The following BMP6 variants were observed in gnomAD, a reference collection of about 807,000 sequenced individuals.
BMP6 encodes bone morphogenetic protein 6.
Under a neutral mutation model 54.1 loss-of-function variants are expected in BMP6, and 17 were observed. The ratio of observed to expected loss-of-function variants is 0.31; its 90% CI spans 0.22 to 0.47. BMP6 has a LOEUF of 0.47. BMP6 is among the 20% of genes least tolerant of loss of function. BMP6 has a pLI of 1.00. For missense variants in BMP6, 720 were observed against 690.4 expected (o/e 1.04, Z -0.48); for synonymous variants, 328 against 291.2 (o/e 1.13, Z -1.28).
intron 1 of BMP6, among the ~76,000 whole-genome samples, chr6:7,749,718 C>A (rs1757393634): frequency 6.6e-6 from 1 of 152,148 alleles, no homozygotes. Context: ...AGACGGGACA[C>A]CGTGACATTG....
intron 1 of BMP6, among the ~76,000 whole-genome samples, chr6:7,806,017 A>C (rs1403386820): frequency 6.6e-6 from 1 of 152,236 alleles, no homozygotes; most frequent in Non-Finnish European, 1.5e-5. Flanking sequence ...TTTCACACAT[A>C]AAGATTGCTG....
intron 1 of BMP6, among the ~76,000 whole-genome samples, chr6:7,832,115 G>T (rs76313294): frequency 6.6e-6 from 1 of 152,144 alleles, no homozygotes; most frequent in Non-Finnish European, 1.5e-5. Context: ...CCTTATAGAG[G>T]TCTAGAGTTG....
intron 1 of BMP6, among the ~76,000 whole-genome samples, chr6:7,741,321 A>G (rs1219803913): frequency 6.6e-6 from 1 of 152,130 alleles, no homozygotes; most frequent in Non-Finnish European, 1.5e-5. Context: ...TTGTAGAGAC[A>G]GGGCCTCTCT....
At chr6:7,806,672 G>A (rs1454053546) in intron 1 of BMP6, among the ~76,000 whole-genome samples, 1 of 150,776 alleles carries the variant, frequency 6.6e-6, no homozygotes, top group Non-Finnish European at 1.5e-5. Context: ...TTTTTTTTTA[G>A]TATGGACTAT....
rs1463761372 is a variant in BMP6, at chr6:7,862,301, G to A, written c.1007G>A (p.Gly336Glu). The A allele has an allele frequency of 6.2e-7, 1 of 1,614,142 alleles. No homozygotes were observed. The highest frequency in any genetic ancestry group is 8.5e-7 in the Non-Finnish European group (1 of 1,180,024). ...GLQLSVVTRD[G>E]VHVHPRAAGL... is the part of the protein sequence containing the mutation. ...ATGCATGCTTTGATTTGCATTAAAG[G>A]AGTCCACGTCCACCCCCGAGCCGCA... Residue 336 changes from glycine to glutamate, a missense_variant and splice_region_variant, in exon 4 of 7, where the codon GGA (glycine) becomes GAA (glutamate). Physicochemically the swap from Gly to Glu is moderately conservative, Grantham distance 98 (BLOSUM62 -2). This residue lies in a region of BMP6 where 650 missense variants were observed against 556.3 expected (regional missense o/e 1.17). Coordinates refer to ENST00000283147, the MANE Select transcript of BMP6 (RefSeq NM_001718.6).
chr6:7,859,925 G>A (rs267204), intron 2 of BMP6, among the ~76,000 whole-genome samples: 123,084 of 152,152 alleles, frequency 0.81, 50,022 homozygotes, highest in East Asian at 1. Flanking sequence ...GAAACTGTTC[G>A]CTCCTCCTCT....
intron 1 of BMP6, among the ~76,000 whole-genome samples, chr6:7,785,076 C>T (rs1758002099): frequency 6.6e-6 from 1 of 152,196 alleles, no homozygotes; most frequent in Non-Finnish European, 1.5e-5. Flanking sequence ...GCACCTGTTC[C>T]AGGTAGCTAG....
chr6:7,872,818 T>TC (rs528362783), intron 4 of BMP6, among the ~76,000 whole-genome samples: 3 of 150,476 alleles, frequency 2.0e-5, no homozygotes, highest in Non-Finnish European at 3.0e-5. Context: ...TTTTTTCTTT[T>TC]TTTTTTTTTT....
At chr6:7,731,087 T>C (rs1761847732) in intron 1 of BMP6, among the ~76,000 whole-genome samples, 1 of 152,212 alleles carries the variant, frequency 6.6e-6, no homozygotes, top group Non-Finnish European at 1.5e-5. Flanking sequence ...GTTGTTTATG[T>C]TGACTGTTTC....
intron 1 of BMP6, among the ~76,000 whole-genome samples, chr6:7,831,103 A>G (rs1758786638): frequency 1.3e-5 from 2 of 152,258 alleles, no homozygotes; most frequent in East Asian, 1.9e-4. Context: ...TATCCATACA[A>G]TGGAATGTCA....
intron 2 of BMP6, among the ~76,000 whole-genome samples, chr6:7,859,840 C>A (rs963200448): frequency 1.3e-5 from 2 of 152,190 alleles, no homozygotes; most frequent in East Asian, 1.9e-4. Flanking sequence ...TGACTTTTAA[C>A]TGTGCCTACT....
rs1759666425 is a variant in BMP6 at position 7,878,955 on chromosome 6, T to A, written c.1205-119T>A. Reference sequence around the variant, plus strand: ...TAGCTGTTGGGTGACCATACTTGTATCTAGGAGGCTATCCTGAGCCTAGCA... The same window carrying A: ...TAGCTGTTGGGTGACCATACTTGTAACTAGGAGGCTATCCTGAGCCTAGCA... On this transcript the variant is annotated intron_variant, in intron 4 of 6. Transcript: ENST00000283147. The A allele has an allele frequency of 3.1e-6, 3 of 960,476 alleles. No individual in the cohort carries two copies. The South Asian group carries it at 4.3e-5, about 14-fold the overall frequency. The allele number at this position is 960,476 out of a possible 1,614,324, so 59.5% of individuals were successfully genotyped here.
At chr6:7,863,618 A>T (rs1255400801) in intron 4 of BMP6, among the ~76,000 whole-genome samples, 1 of 151,976 alleles carries the variant, frequency 6.6e-6, no homozygotes, top group Non-Finnish European at 1.5e-5. Context: ...CTCACCCGGG[A>T]GCTAAGGAAT....
At chr6:7,879,008 A>G (rs1262420402) in intron 4 of BMP6, 66 bp from the exon 5 acceptor site, 8 of 1,492,758 alleles carry the variant, frequency 5.4e-6, no homozygotes, top group East Asian at 4.5e-5. Flanking sequence ...TAAACTCTCT[A>G]TGAAGGAATT....
chr6:7,765,637 G>A (rs270397), intron 1 of BMP6, among the ~76,000 whole-genome samples: 60,858 of 152,200 alleles, frequency 0.4, 13,416 homozygotes, highest in Non-Finnish European at 0.5. Flanking sequence ...AGCACATGCT[G>A]GTAGACGGCA....
intron 1 of BMP6, among the ~76,000 whole-genome samples, chr6:7,795,230 A>G (rs1242833200): frequency 6.6e-6 from 1 of 152,082 alleles, no homozygotes; most frequent in Admixed American, 6.6e-5. Context: ...ATTCATCCCC[A>G]CTCTTGAGAT....
chr6:7,786,650 A>G, intron 1 of BMP6, among the ~76,000 whole-genome samples: 1 of 152,128 alleles, frequency 6.6e-6, no homozygotes. Context: ...TATGTGGATC[A>G]GAACTGTAGA....
intron 1 of BMP6, among the ~76,000 whole-genome samples, chr6:7,763,078 C>T (rs1052727015): frequency 2.6e-5 from 4 of 152,248 alleles, no homozygotes; most frequent in African/African-American, 7.2e-5. Context: ...TGCAGATACT[C>T]TTATGAATTC....
intron 1 of BMP6, among the ~76,000 whole-genome samples, chr6:7,810,168 A>T (rs1323946694): frequency 6.6e-6 from 1 of 152,182 alleles, no homozygotes; most frequent in Non-Finnish European, 1.5e-5. Context: ...TTCGCTGGAG[A>T]ATAAGAATTG....
Sources: gnomAD v4.1 joint callset for allele counts (sites outside exome capture counted in the v4.1 genomes callset) on GRCh38, gnomAD v4.1.1 for gene constraint, gnomAD v4.1.1 regional missense constraint, MANE v1.5 for transcripts, NCBI Gene and HGNC (gene_info 2026-07-23, HGNC 2026-07-21) for gene names.